GRM7: variants seen among roughly 807,000 people sequenced by gnomAD.
GRM7 encodes metabotropic glutamate receptor 7.
GRM7 carries 35 observed loss-of-function variants against 84.5 expected under a neutral mutation model. That is an observed-to-expected ratio of 0.41 (90% CI 0.32 to 0.55). The LOEUF is 0.55. Ranked by LOEUF, GRM7 falls within the 20% of genes least tolerant of loss-of-function variation. GRM7 has a pLI of 0.19. For synonymous variants in GRM7, 487 were observed against 455.1 expected (o/e 1.07, Z -0.89); for missense variants, 1,003 against 1,194.6 (o/e 0.84, Z 2.36).
intron 1 of GRM7, among the ~76,000 whole-genome samples, chr3:7,095,507 T>A (rs1172129465): frequency 6.6e-6 from 1 of 152,164 alleles, no homozygotes; most frequent in Non-Finnish European, 1.5e-5. Flanking sequence ...GACATTGAGA[T>A]TACATATTCC....
chr3:7,370,055 T>C (rs906731620), intron 4 of GRM7, among the ~76,000 whole-genome samples: 3 of 152,090 alleles, frequency 2.0e-5, no homozygotes, highest in Admixed American at 6.6e-5. Context: ...ACCCAGGCCA[T>C]TGGGTAACTT....
Position 7,486,577 on chromosome 3 carries a change from A to G in GRM7, c.1515+24855A>G, listed in dbSNP as rs185831274. Among the ~76,000 whole-genome samples, 19 of 152,252 alleles carry G rather than the reference A, an allele frequency of 1.2e-4. 1 individual carries two copies. Among genetic ancestry groups the G allele is most frequent in the Admixed American group, 1.0e-3 (16 of 15,288 alleles). On this transcript the variant is annotated intron_variant, in intron 7 of 9. Transcript: ENST00000357716. The surrounding 1 kb of genome is among the most constrained non-coding windows in gnomAD (Gnocchi z 5.5). ...GTGCTATACAGCAAGTCTGCCTCAC[A>G]AGTTTGTTCTCTCTGCACACACCTG... is the stretch of plus-strand genomic sequence containing the variant.
intron 1 of GRM7, among the ~76,000 whole-genome samples, chr3:6,986,727 C>T (rs569459744): frequency 1.3e-4 from 20 of 152,278 alleles, no homozygotes; most frequent in Admixed American, 1.1e-3. Context: ...GTCCTGGCTT[C>T]CCCTGTATCT....
intron 1 of GRM7, among the ~76,000 whole-genome samples, chr3:7,060,549 A>C (rs2124968807): frequency 6.6e-6 from 1 of 151,886 alleles, no homozygotes; most frequent in Admixed American, 6.6e-5. Context: ...AACACTGGGG[A>C]AGAGAGCTGA....
intron 7 of GRM7, among the ~76,000 whole-genome samples, chr3:7,557,084 C>A (rs544720609): frequency 3.3e-5 from 5 of 152,268 alleles, no homozygotes; most frequent in Admixed American, 3.3e-4. Context: ...ATGATTAGAT[C>A]TGCCTTCTGG....
At chr3:6,940,388 C>T (rs1206757905) in intron 1 of GRM7, among the ~76,000 whole-genome samples, 4 of 152,176 alleles carry the variant, frequency 2.6e-5, no homozygotes, top group Non-Finnish European at 4.4e-5. Context: ...CTGCGCCCGG[C>T]CCGTTTTTAA....
At chr3:7,455,888 TAAC>T (rs1697988226) in intron 6 of GRM7, among the ~76,000 whole-genome samples, 1 of 152,128 alleles carries the variant, frequency 6.6e-6, no homozygotes, top group African/African-American at 2.4e-5. Context: ...TTTCTCTTAA[TAAC>T]AACTCATTTA....
intron 1 of GRM7, among the ~76,000 whole-genome samples, chr3:6,921,555 T>C (rs1290686097): frequency 6.6e-6 from 1 of 152,104 alleles, no homozygotes; most frequent in African/African-American, 2.4e-5. Flanking sequence ...CAGCCTCATA[T>C]AAACTGATTT....
chr3:7,395,748 A>G (rs866942083), intron 4 of GRM7, among the ~76,000 whole-genome samples: 2 of 152,310 alleles, frequency 1.3e-5, no homozygotes, highest in Middle Eastern at 3.4e-3. Context: ...CCCCAGTCAT[A>G]TGGAATTGTG....
chr3:6,993,905 G>C (rs1035629577), intron 1 of GRM7, among the ~76,000 whole-genome samples: 1 of 152,206 alleles, frequency 6.6e-6, no homozygotes, highest in African/African-American at 2.4e-5. Flanking sequence ...TCAGCTACTT[G>C]TGCTGGGAGG....
intron 8 of GRM7, among the ~76,000 whole-genome samples, chr3:7,618,088 C>T (rs183478908): frequency 1.3e-5 from 2 of 152,222 alleles, no homozygotes; most frequent in African/African-American, 2.4e-5. Context: ...CAAGGCTTAG[C>T]TCAGAGGCAG....
intron 8 of GRM7, among the ~76,000 whole-genome samples, chr3:7,656,543 GCGCGCACACACACACA>G (rs1451708880): frequency 3.3e-5 from 4 of 119,890 alleles, no homozygotes; most frequent in African/African-American, 1.2e-4. Context: ...ATATATACGC[GCGCGCACACACACACA>G]CACACACACA....
At chr3:6,919,862 G>A (rs918023905) in intron 1 of GRM7, among the ~76,000 whole-genome samples, 1 of 152,098 alleles carries the variant, frequency 6.6e-6, no homozygotes, top group Non-Finnish European at 1.5e-5. Flanking sequence ...TTTTCATACA[G>A]GAATGTGCCT....
chr3:7,649,534 T>C (rs947444483), intron 8 of GRM7, among the ~76,000 whole-genome samples: 1 of 152,196 alleles, frequency 6.6e-6, no homozygotes, highest in Non-Finnish European at 1.5e-5. Context: ...TTTTTGTTGT[T>C]TTTGCTCAGT....
intron 4 of GRM7, among the ~76,000 whole-genome samples, chr3:7,396,753 A>G (rs1695227971): frequency 2.0e-5 from 3 of 152,118 alleles, no homozygotes; most frequent in Non-Finnish European, 4.4e-5. Context: ...ATGTTATCTG[A>G]TGCAAGTGGT....
Position 7,207,815 on chromosome 3 carries a change from A to G in GRM7, c.736+61147A>G, listed in dbSNP as rs900217563. 1.4e-4 allele frequency among the ~76,000 whole-genome samples: 21 copies of G among 152,354 alleles called. 1 individual carries two copies. In the South Asian group the frequency reaches 2.3e-3, roughly 17 times the overall value. ...TTCAGAATTATTTTACTTTCTTTCCAAATCATACTGGTTTTGCTACATCTG... is the reference window on the plus strand; with the variant it reads ...TTCAGAATTATTTTACTTTCTTTCCGAATCATACTGGTTTTGCTACATCTG... On this transcript the variant is annotated intron_variant, in intron 2 of 9. Transcript: ENST00000357716.
intron 8 of GRM7, among the ~76,000 whole-genome samples, chr3:7,644,567 C>T (rs993672393): frequency 4.6e-5 from 7 of 152,110 alleles, no homozygotes; most frequent in African/African-American, 1.4e-4. Flanking sequence ...AATGTTATTC[C>T]TCAATCTTTA....
chr3:7,178,295 T>C (rs1203034013), intron 2 of GRM7, among the ~76,000 whole-genome samples: 1 of 152,180 alleles, frequency 6.6e-6, no homozygotes, highest in Non-Finnish European at 1.5e-5. Flanking sequence ...TTTTTTTAGG[T>C]CTTTTTCATT....
intron 1 of GRM7, among the ~76,000 whole-genome samples, chr3:7,062,267 T>A (rs935069643): frequency 2.6e-5 from 4 of 151,542 alleles, no homozygotes; most frequent in African/African-American, 9.7e-5. Flanking sequence ...ATGGAACGGA[T>A]AAAGCATTAC....
Sources: gnomAD v4.1 joint callset for allele counts (sites outside exome capture counted in the v4.1 genomes callset) on GRCh38, gnomAD v4.1.1 for gene constraint, Gnocchi (gnomAD v3.1) non-coding constraint, MANE v1.5 for transcripts, NCBI Gene and HGNC (gene_info 2026-07-23, HGNC 2026-07-21) for gene names.